Variants in PIK3C2G observed in about 807,000 individuals in gnomAD.
PIK3C2G encodes the protein phosphatidylinositol-4-phosphate 3-kinase catalytic subunit type 2 gamma, also known as phosphatidylinositol 3-kinase C2 domain-containing subunit gamma.
Under a neutral mutation model 181.1 loss-of-function variants are expected in PIK3C2G, and 168 were observed. That is an observed-to-expected ratio of 0.93 (90% CI 0.82 to 1.05). The LOEUF is 1.05. PIK3C2G is among the 50% of genes least tolerant of loss of function. The pLI is 0.00. For synonymous variants in PIK3C2G, 573 were observed against 592.2 expected, an observed-to-expected ratio of 0.97 and a Z score of 0.47; for missense variants, 1,869 against 1,732.8, an observed-to-expected ratio of 1.08 and a Z score of -1.40.
chr12:18,647,884 T>C lies in PIK3C2G; in HGVS notation c.4317T>C (p.Tyr1439=), dbSNP rs759575528. The change falls in exon 33 of 33, where the codon TAT becomes TAC. Residue 1439 remains tyrosine, a synonymous_variant. Transcript: ENST00000538779. ...ATTTTCTCCGTTTTTAGGTAGTATA[T>C]GATGAAGTCACAGAGCTCCAAGGAC... ...TDPTYNEIVV[Y]DEVTELQGHV... The C allele has an allele frequency of 1.5e-5, 23 of 1,547,930 alleles. No homozygotes were observed. Among genetic ancestry groups the C allele is most frequent in the South Asian group, 6.2e-5 (5 of 80,432 alleles).
At chr12:18,260,466 C>T (rs754611365), upstream of PIK3C2G, among the ~76,000 whole-genome samples, 2 of 151,980 alleles carry the variant, frequency 1.3e-5, no homozygotes, top group Non-Finnish European at 2.9e-5. Flanking sequence ...GGTCAAGCTC[C>T]CATTTTTCTG....
chr12:18,476,077 T>C (rs1054171708), intron 18 of PIK3C2G, among the ~76,000 whole-genome samples: 4 of 152,100 alleles, frequency 2.6e-5, no homozygotes, highest in Non-Finnish European at 5.9e-5. Flanking sequence ...AACACGATTT[T>C]TAAAAAGCAA....
At chr12:18,505,759 T>A (rs1941786491) in intron 24 of PIK3C2G, among the ~76,000 whole-genome samples, 1 of 152,198 alleles carries the variant, frequency 6.6e-6, no homozygotes, top group Non-Finnish European at 1.5e-5. Context: ...TTATGAACCT[T>A]GAATGGACAA....
At chr12:18,557,522 C>T (rs943912348) in intron 26 of PIK3C2G, among the ~76,000 whole-genome samples, 9 of 152,016 alleles carry the variant, frequency 5.9e-5, no homozygotes, top group African/African-American at 2.2e-4. Context: ...TAAAAACCTA[C>T]AGAAAACATT....
At chr12:18,529,058 G>A (rs541959788) in intron 24 of PIK3C2G, among the ~76,000 whole-genome samples, 1 of 151,280 alleles carries the variant, frequency 6.6e-6, no homozygotes, top group Non-Finnish European at 1.5e-5. Flanking sequence ...ATCTTTGGAA[G>A]ATGCCATGAT....
chr12:18,669,640 A>G, the PIK3C2G span, among the ~76,000 whole-genome samples: 1 of 151,402 alleles, frequency 6.6e-6, no homozygotes, highest in African/African-American at 2.4e-5. Context: ...TGGCAGAGAG[A>G]GGAAGCTCTG....
intron 24 of PIK3C2G, among the ~76,000 whole-genome samples, chr12:18,532,890 T>TTG (rs912225095): frequency 4.0e-5 from 6 of 151,738 alleles, no homozygotes; most frequent in African/African-American, 1.5e-4. Flanking sequence ...GCTGTTTTTT[T>TTG]TTTTTTTTTT....
At chr12:18,396,285 A>G (rs1337886505) in intron 15 of PIK3C2G, among the ~76,000 whole-genome samples, 1 of 151,720 alleles carries the variant, frequency 6.6e-6, no homozygotes, top group Non-Finnish European at 1.5e-5. Flanking sequence ...ACCTTGCTAG[A>G]TCTAGGAAAA....
chr12:18,559,857 G>C (rs896939613), intron 26 of PIK3C2G, among the ~76,000 whole-genome samples: 1 of 130,106 alleles, frequency 7.7e-6, no homozygotes, highest in Non-Finnish European at 1.6e-5. Flanking sequence ...GAGAGAGAGA[G>C]AGAGAGAGAC....
intron 2 of PIK3C2G, among the ~76,000 whole-genome samples, chr12:18,284,978 T>C (rs111548489): frequency 0.02 from 3,114 of 152,098 alleles, 102 homozygotes; most frequent in African/African-American, 0.071. Flanking sequence ...GGTCAGGAAA[T>C]TATTCAAATT....
chr12:18,408,496 T>C (rs1377242179), intron 16 of PIK3C2G, among the ~76,000 whole-genome samples: 18 of 152,176 alleles, frequency 1.2e-4, no homozygotes, highest in Admixed American at 1.1e-3. Context: ...TCAGGTAGCA[T>C]GATGCTTCCA....
chr12:18,465,712 AGACTTCTTTGTGTCTAGATGTGTTT>A (rs1937792659), intron 18 of PIK3C2G, among the ~76,000 whole-genome samples: 1 of 151,718 alleles, frequency 6.6e-6, no homozygotes, highest in African/African-American at 2.4e-5. Context: ...GCCATTTTTA[AGACTTCTTTGTGTCTAGATGTGTTT>A]GAATGTCAAC....
chr12:18,655,438 A>C, the PIK3C2G span, among the ~76,000 whole-genome samples: 2 of 152,226 alleles, frequency 1.3e-5, no homozygotes, highest in African/African-American at 4.8e-5. Context: ...AGAAAGAAAC[A>C]AAATCCACGC....
chr12:18,629,813 G>A (rs1011337401), intron 31 of PIK3C2G, among the ~76,000 whole-genome samples: 7 of 152,224 alleles, frequency 4.6e-5, no homozygotes, highest in East Asian at 1.9e-4. Context: ...GGATAAACCC[G>A]AGATATTTTC....
chr12:18,425,809 T>C (rs1004769783), intron 18 of PIK3C2G, among the ~76,000 whole-genome samples: 8 of 152,204 alleles, frequency 5.3e-5, no homozygotes, highest in African/African-American at 1.9e-4. Context: ...ATAAATACCA[T>C]GTGACTGAAT....
At chr12:18,683,438 A>G in the PIK3C2G span, 1 of 1,432,472 alleles carries the variant, frequency 7.0e-7, no homozygotes, top group East Asian at 2.4e-5. Context: ...AACCATGACT[A>G]TAGAGTTATA....
chr12:18,377,584 G>A (rs1416846297), intron 13 of PIK3C2G, among the ~76,000 whole-genome samples: 1 of 152,076 alleles, frequency 6.6e-6, no homozygotes, highest in African/African-American at 2.4e-5. Context: ...GAAGACCATT[G>A]ATTTTGTCCA....
At chr12:18,682,796 A>G in the PIK3C2G span, among the ~76,000 whole-genome samples, 1 of 152,012 alleles carries the variant, frequency 6.6e-6, no homozygotes, top group Non-Finnish European at 1.5e-5. Context: ...AGGATATGAA[A>G]AGGCTCAGAG....
the PIK3C2G span, among the ~76,000 whole-genome samples, chr12:18,697,844 T>A: frequency 6.6e-6 from 1 of 151,680 alleles, no homozygotes; most frequent in African/African-American, 2.4e-5. Context: ...ATAATTGGCA[T>A]CCTTGAAGTT....
Sources: allele counts gnomAD v4.1 joint callset (sites outside exome capture counted in the v4.1 genomes callset), GRCh38; gene constraint gnomAD v4.1.1; transcripts MANE v1.5; gene names NCBI Gene and HGNC (gene_info 2026-07-23, HGNC 2026-07-21).